The following PLXDC2 variants were observed in gnomAD, a reference collection of about 807,000 sequenced individuals.
PLXDC2 encodes plexin domain-containing protein 2.
A neutral mutation model predicts 68.9 loss-of-function variants in PLXDC2; 40 were observed. The ratio of observed to expected loss-of-function variants is 0.58; its 90% confidence interval spans 0.45 to 0.76. The LOEUF (loss-of-function observed/expected upper bound fraction) is 0.76, where lower values mean the gene tolerates loss of function less well. Among genes scored for constraint, PLXDC2 ranks in the 30% least tolerant of loss-of-function variants. The pLI is 0.00. For synonymous variants in PLXDC2, 243 were observed against 234.2 expected, an observed-to-expected ratio of 1.04 and a Z score of -0.34; for missense variants, 644 against 661.9, an observed-to-expected ratio of 0.97 and a Z score of 0.30.
chr10:20,167,005 C>G lies in PLXDC2; in HGVS notation c.883+2438C>G, dbSNP rs191794189. 6.6e-4 allele frequency among the ~76,000 whole-genome samples: 100 copies of G among 152,216 alleles called. 1 individual carries two copies. Among genetic ancestry groups the G allele is most frequent in the Middle Eastern group, 3.4e-3 (1 of 294 alleles). ...AAGAACTTAATTCAAACGTAGAATTCAGAGAAAAATGTCCCTCACACAATT... is the reference window on the plus strand; with the variant it reads ...AAGAACTTAATTCAAACGTAGAATTGAGAGAAAAATGTCCCTCACACAATT... On this transcript the variant is annotated intron_variant, in intron 7 of 13. Coordinates refer to ENST00000377252, the MANE Select transcript of PLXDC2 (RefSeq NM_032812.9).
intron 10 of PLXDC2, among the ~76,000 whole-genome samples, chr10:20,216,119 A>C (rs544733207): frequency 6.6e-6 from 1 of 152,266 alleles, no homozygotes; most frequent in East Asian, 1.9e-4. Context: ...AAAAAAAAAA[A>C]AAATAAAAAA....
chr10:19,850,701 A>C (rs1295816355), intron 1 of PLXDC2, among the ~76,000 whole-genome samples: 2 of 152,208 alleles, frequency 1.3e-5, no homozygotes, highest in Non-Finnish European at 2.9e-5. Flanking sequence ...TAAATAAAAT[A>C]TCCTGTACAC....
chr10:20,081,994 G>A (rs1401866288), intron 4 of PLXDC2, among the ~76,000 whole-genome samples: 3 of 130,714 alleles, frequency 2.3e-5, no homozygotes, highest in African/African-American at 8.8e-5. Flanking sequence ...GCAGTGAGCC[G>A]AGATTGCGCC....
At chr10:19,878,957 G>C (rs1002361080) in intron 1 of PLXDC2, among the ~76,000 whole-genome samples, 4 of 152,126 alleles carry the variant, frequency 2.6e-5, no homozygotes, top group Non-Finnish European at 5.9e-5. Context: ...CTCCACAAAG[G>C]TATAGAATAT....
At chr10:20,048,957 G>A (rs1835845524) in intron 3 of PLXDC2, among the ~76,000 whole-genome samples, 1 of 152,166 alleles carries the variant, frequency 6.6e-6, no homozygotes, top group East Asian at 1.9e-4. Context: ...ATACATAAAT[G>A]GAAGGACTTG....
intron 4 of PLXDC2, among the ~76,000 whole-genome samples, chr10:20,075,038 C>T (rs186393159): frequency 4.6e-5 from 7 of 152,200 alleles, no homozygotes; most frequent in South Asian, 2.1e-4. Flanking sequence ...AGATGAATTG[C>T]GTGATGTCTG....
chr10:20,028,112 A>T (rs1477310331), intron 2 of PLXDC2, among the ~76,000 whole-genome samples: 1 of 152,208 alleles, frequency 6.6e-6, no homozygotes, highest in African/African-American at 2.4e-5. Context: ...TGTAGAGTAC[A>T]GTGTGTTGCA....
chr10:19,848,515 T>C (rs1837055075), intron 1 of PLXDC2, among the ~76,000 whole-genome samples: 1 of 152,162 alleles, frequency 6.6e-6, no homozygotes, highest in South Asian at 2.1e-4. Context: ...ACCTCTTCCA[T>C]GCGAATACAA....
intron 1 of PLXDC2, among the ~76,000 whole-genome samples, chr10:19,968,165 AG>A (rs1259429364): frequency 2.0e-5 from 3 of 152,242 alleles, no homozygotes; most frequent in African/African-American, 7.2e-5. Context: ...TACAATTGCC[AG>A]CTGTTTAATT....
At chr10:20,271,132 GACACACAC>G (rs55677642) in intron 13 of PLXDC2, among the ~76,000 whole-genome samples, 2 of 97,854 alleles carry the variant, frequency 2.0e-5, no homozygotes, top group East Asian at 5.1e-4. Context: ...ACAAAAAACA[GACACACAC>G]ACACACACAC....
At chr10:20,021,982 C>A (rs1445895990) in intron 2 of PLXDC2, among the ~76,000 whole-genome samples, 6 of 152,188 alleles carry the variant, frequency 3.9e-5, no homozygotes, top group Non-Finnish European at 8.8e-5. Flanking sequence ...CAGGCGTGAG[C>A]CACCACGCCC....
intron 1 of PLXDC2, among the ~76,000 whole-genome samples, chr10:19,995,156 G>A (rs1049223951): frequency 3.9e-5 from 6 of 152,170 alleles, no homozygotes; most frequent in Admixed American, 2.0e-4. Flanking sequence ...AGACATCTCT[G>A]TATCAGTGGT....
intron 12 of PLXDC2, among the ~76,000 whole-genome samples, chr10:20,228,883 A>T (rs1426141836): frequency 2.0e-5 from 3 of 152,170 alleles, no homozygotes; most frequent in Non-Finnish European, 4.4e-5. Flanking sequence ...CACACACAGA[A>T]AAGTGACCAT....
At chr10:20,096,118 T>G (rs1833345955) in intron 4 of PLXDC2, among the ~76,000 whole-genome samples, 2 of 152,130 alleles carry the variant, frequency 1.3e-5, no homozygotes, top group Admixed American at 1.3e-4. Flanking sequence ...GAATGCTGAT[T>G]TAGGAAAAGC....
At chr10:19,837,818 C>T (rs926913744) in intron 1 of PLXDC2, among the ~76,000 whole-genome samples, 11 of 152,142 alleles carry the variant, frequency 7.2e-5, no homozygotes, top group African/African-American at 2.7e-4. Flanking sequence ...CCACATAAAT[C>T]AGCAACCGAG....
At chr10:20,153,292 G>A (rs913659705) in intron 6 of PLXDC2, among the ~76,000 whole-genome samples, 4 of 152,196 alleles carry the variant, frequency 2.6e-5, no homozygotes, top group African/African-American at 9.6e-5. Context: ...TGAAAAGAAA[G>A]TGTATAGGGT....
chr10:19,865,494 A>G (rs1490136112), intron 1 of PLXDC2, among the ~76,000 whole-genome samples: 2 of 152,200 alleles, frequency 1.3e-5, no homozygotes. Context: ...ATGCAAAGAT[A>G]GCCTCTTTGG....
At chr10:20,014,995 G>A (rs988085690) in intron 2 of PLXDC2, among the ~76,000 whole-genome samples, 1 of 152,100 alleles carries the variant, frequency 6.6e-6, no homozygotes. Flanking sequence ...TTAAATGTTT[G>A]TCAGAAAGAA....
At chr10:20,247,871 A>T (rs1835621631) in intron 13 of PLXDC2, among the ~76,000 whole-genome samples, 2 of 152,220 alleles carry the variant, frequency 1.3e-5, no homozygotes. Flanking sequence ...CAGAAATGGC[A>T]TCTTCATTTG....
Sources: gnomAD v4.1 joint callset for allele counts (sites outside exome capture counted in the v4.1 genomes callset) on GRCh38, gnomAD v4.1.1 for gene constraint, MANE v1.5 for transcripts, NCBI Gene and HGNC (gene_info 2026-07-23, HGNC 2026-07-21) for gene names.